USP34: variants seen among roughly 807,000 people sequenced by gnomAD.
USP34 encodes ubiquitin specific peptidase 34, also known as ubiquitin carboxyl-terminal hydrolase 34.
In USP34, 70 loss-of-function variants were observed where a neutral mutation model predicts 460.3. The observed-to-expected ratio is 0.15, with a 90% confidence interval of 0.13 to 0.19. The LOEUF (loss-of-function observed/expected upper bound fraction) is 0.19. Ranked by LOEUF, USP34 falls within the 10% of genes least tolerant of loss-of-function variation. The pLI is 1.00. For synonymous variants in USP34, 1,647 were observed against 1,405.3 expected, an observed-to-expected ratio of 1.17 and a Z score of -3.85; for missense variants, 3,985 against 4,236.2, an observed-to-expected ratio of 0.94 and a Z score of 1.65.
chr2:61,350,686 T>G lies in USP34; in HGVS notation c.1259A>C (p.His420Pro). 6.2e-7 allele frequency: 1 copy of G among 1,607,280 alleles called. No homozygotes were observed. ...TAAGTCATGTATATACCGACTACAA[T>G]GTTTCAACTAGAAAATCAAGTTAGA... ...DCIWAAAQLK[H>P]CSRYIHDLFP... Residue 420 changes from histidine to proline, a missense_variant, in exon 11 of 80, where the codon CAT becomes CCT. His to Pro is a moderately conservative substitution (Grantham distance 77). Around this residue, in one of 14 missense-constraint regions of USP34, gnomAD observed 716 missense variants for 626.2 expected, o/e 1.14. Transcript: ENST00000398571.
Position 61,297,064 on chromosome 2 carries a change from TTGTTA to T in USP34, c.4129-144_4129-140del, listed in dbSNP as rs1173552254. 15 of 1,129,940 alleles carry T rather than the reference TTGTTA, an allele frequency of 1.3e-5. No individual in the cohort carries two copies. In the African/African-American group the frequency reaches 2.4e-4, roughly 18 times the overall value. 70.0% of individuals were successfully genotyped at this position (1,129,940 alleles called of 1,614,324 possible). On this transcript the variant is annotated intron_variant, in intron 29 of 79. Transcript: ENST00000398571. ...TTTTGAAAAGTGAGAAATGAAACAT[TTGTTA>T]TATGATACATATTTGAGAAAATTAA...
At chr2:61,220,836 A>C (rs913558465) in intron 66 of USP34, among the ~76,000 whole-genome samples, 1 of 152,192 alleles carries the variant, frequency 6.6e-6, no homozygotes, top group Admixed American at 6.5e-5. Context: ...AGAATACAAG[A>C]AGCTCGCTGT....
chr2:61,330,448 C>T (rs1379372958), intron 20 of USP34, among the ~76,000 whole-genome samples: 1 of 152,164 alleles, frequency 6.6e-6, no homozygotes, highest in African/African-American at 2.4e-5. Context: ...CTGATTTGTG[C>T]AGGGAAATAA....
At chr2:61,220,653 A>T (rs1327832107) in intron 66 of USP34, among the ~76,000 whole-genome samples, 196 bp from the exon 67 acceptor site, 1 of 152,238 alleles carries the variant, frequency 6.6e-6, no homozygotes, top group Non-Finnish European at 1.5e-5. Flanking sequence ...TCAGAAAAAT[A>T]TGTCACTGGT....
chr2:61,310,003 A>G (rs924588391), intron 27 of USP34, among the ~76,000 whole-genome samples: 2 of 152,290 alleles, frequency 1.3e-5, no homozygotes, highest in Admixed American at 6.5e-5. Context: ...AAAACTAAAT[A>G]AAAACATACA....
intron 1 of USP34, among the ~76,000 whole-genome samples, chr2:61,441,147 T>G (rs896308382): frequency 4.0e-5 from 6 of 151,374 alleles, no homozygotes; most frequent in Non-Finnish European, 8.8e-5. Flanking sequence ...AAAAATTTTT[T>G]TTTTTTTTTG....
chr2:61,461,253 C>A (rs1348639544), intron 1 of USP34, among the ~76,000 whole-genome samples: 1 of 151,636 alleles, frequency 6.6e-6, no homozygotes, highest in Admixed American at 6.6e-5. Flanking sequence ...ATTAGCCAGG[C>A]ATGGTGGCAG....
chr2:61,192,940 T>C lies in USP34; in HGVS notation c.9549A>G (p.Ala3183=). ...GCTCAGTCCAAAGTTTGGGGAACAGTGCAAGATGAAGTGGCAAACCTTCAT... is the reference window on the plus strand; with the variant it reads ...GCTCAGTCCAAAGTTTGGGGAACAGCGCAAGATGAAGTGGCAAACCTTCAT... ...VAYEGLPLHL[A]LFPKLWTELC... Residue 3183 remains alanine (A), a synonymous_variant, in exon 76 of 80, where the codon GCA becomes GCG. Transcript: ENST00000398571. 3.1e-6 allele frequency: 5 copies of C among 1,613,938 alleles called. No homozygotes were observed. The highest frequency in any genetic ancestry group is 4.2e-6 in the Non-Finnish European group (5 of 1,179,904).
At chr2:61,350,740 C>T in intron 10 of USP34, 47 bp from the exon 11 acceptor site, 1 of 1,577,290 alleles carries the variant, frequency 6.3e-7, no homozygotes, top group Non-Finnish European at 8.6e-7. Flanking sequence ...TTGCCCAATA[C>T]ATGTAGATTA....
At chr2:61,370,681 A>G (rs765427489) in intron 8 of USP34, 102 bp from the exon 9 acceptor site, 1 of 903,190 alleles carries the variant, frequency 1.1e-6, no homozygotes, top group Non-Finnish European at 1.7e-6. Flanking sequence ...TCCTATAGGA[A>G]TTATAAAGAA....
intron 30 of USP34, among the ~76,000 whole-genome samples, chr2:61,296,511 C>G: frequency 6.6e-6 from 1 of 151,936 alleles, no homozygotes; most frequent in East Asian, 1.9e-4. Context: ...GAACAAAAAA[C>G]AATATTAAAA....
intron 1 of USP34, among the ~76,000 whole-genome samples, chr2:61,447,150 G>A (rs2104047333): frequency 6.6e-6 from 1 of 150,506 alleles, no homozygotes; most frequent in Admixed American, 6.7e-5. Flanking sequence ...AGCTACTCGG[G>A]AGGCTGAGGC....
rs766069859 is a variant in USP34 at position 61,339,496 on chromosome 2, A to G, written c.2617-18T>C. On this transcript the variant is annotated intron_variant, in intron 17 of 79. Coordinates refer to ENST00000398571, the MANE Select transcript of USP34 (RefSeq NM_014709.4). ...AGATTAACCTATAAAAAATGTATAT[A>G]AAATTACTATTTATCCTAATTGCAT... The G allele has an allele frequency of 3.2e-6, 5 of 1,561,378 alleles. No homozygotes were observed. The East Asian group carries it at 1.2e-4, about 36-fold the overall frequency.
At chr2:61,252,380 C>T (rs1331817776) in intron 48 of USP34, among the ~76,000 whole-genome samples, 1 of 146,534 alleles carries the variant, frequency 6.8e-6, no homozygotes, top group South Asian at 2.3e-4. Context: ...GCTGCTACTA[C>T]AGTAACAATA....
At chr2:61,451,914 G>T (rs887843624) in intron 1 of USP34, among the ~76,000 whole-genome samples, 1 of 152,088 alleles carries the variant, frequency 6.6e-6, no homozygotes, top group Admixed American at 6.5e-5. Context: ...AGTGGCTCAC[G>T]CCTGGAATCC....
Position 61,265,973 on chromosome 2 carries a change from A to T in USP34, c.5617+11T>A. 3 of 1,545,482 alleles carry T rather than the reference A, an allele frequency of 1.9e-6. No individual in the cohort carries two copies. The highest frequency in any genetic ancestry group is 8.8e-7 in the Non-Finnish European group (1 of 1,138,922). On this transcript the variant is annotated intron_variant, in intron 42 of 79. Coordinates refer to ENST00000398571, the MANE Select transcript of USP34 (RefSeq NM_014709.4). ...AATCTATAAAGATTAAAGGAAAAGA[A>T]GAATGCTTACACTGCATGTGTTGTG...
At position 61,427,120 on chromosome 2, in the gene USP34, C is replaced by T. The variant is rs545621703; in HGVS notation, c.44-6287G>A. On this transcript the variant is annotated intron_variant, in intron 1 of 79. Transcript: ENST00000398571. ...TCGGCTTACTGCAAGCTCTGCCTCCCAGGTTCACACCATTCTCCTGCCTCA... is the reference window on the plus strand; with the variant it reads ...TCGGCTTACTGCAAGCTCTGCCTCCTAGGTTCACACCATTCTCCTGCCTCA... 1.2e-4 allele frequency among the ~76,000 whole-genome samples: 18 copies of T among 152,322 alleles called. No homozygotes were observed. The East Asian group carries it at 3.5e-3, about 29-fold the overall frequency.
chr2:61,441,117 G>C (rs1573044782), intron 1 of USP34, among the ~76,000 whole-genome samples: 1 of 148,600 alleles, frequency 6.7e-6, no homozygotes, highest in East Asian at 2.0e-4. Flanking sequence ...AACTGAGTGA[G>C]AGCCGCCTCA....
chr2:61,261,899 T>C (rs1688890392), intron 43 of USP34, among the ~76,000 whole-genome samples: 1 of 151,352 alleles, frequency 6.6e-6, no homozygotes, highest in Non-Finnish European at 1.5e-5. Flanking sequence ...GGTCAGGAGT[T>C]TGAGACCAGC....
Sources: gnomAD v4.1 joint callset for allele counts (sites outside exome capture counted in the v4.1 genomes callset) on GRCh38, gnomAD v4.1.1 for gene constraint, gnomAD v4.1.1 regional missense constraint, MANE v1.5 for transcripts, NCBI Gene and HGNC (gene_info 2026-07-23, HGNC 2026-07-21) for gene names.